Variants in IMPG2 observed in about 807,000 individuals in gnomAD.
IMPG2 encodes the protein IPM 200.
In IMPG2, 91 loss-of-function variants were observed where a neutral mutation model predicts 129.2. That is an observed-to-expected ratio of 0.70 (90% confidence interval 0.59 to 0.84). The LOEUF (loss-of-function observed/expected upper bound fraction) is 0.84, where lower values mean the gene tolerates loss of function less well. Among genes scored for constraint, IMPG2 ranks in the 40% least tolerant of loss-of-function variants. The pLI is 0.00. For missense variants in IMPG2, 1,430 were observed against 1,461.7 expected, an observed-to-expected ratio of 0.98 and a Z score of 0.35; for synonymous variants, 510 against 517.7, an observed-to-expected ratio of 0.99 and a Z score of 0.20.
chr3:101,224,099 C>G lies in IMPG2; in HGVS notation c.*2870G>C, dbSNP rs560890599. Reference sequence around the variant, plus strand: ...GGCAGAGGTTGCCAGGAGCTGAGATCGCCCCATTGCACTCCAGCCTGGGTG... The same window carrying G: ...GGCAGAGGTTGCCAGGAGCTGAGATGGCCCCATTGCACTCCAGCCTGGGTG... On this transcript the variant is annotated 3_prime_UTR_variant, in exon 19 of 19. Coordinates refer to ENST00000193391, the MANE Select transcript of IMPG2 (RefSeq NM_016247.4). 1.3e-5 allele frequency: 2 copies of G among 152,292 alleles called. No individual in the cohort carries two copies. Among genetic ancestry groups the G allele is most frequent in the South Asian group, 4.1e-4 (2 of 4,824 alleles). The allele number at this position is 152,292 out of a possible 1,614,324, so 9.4% of individuals were successfully genotyped here.
chr3:101,261,854 T>TA (rs1706674841), intron 9 of IMPG2, among the ~76,000 whole-genome samples: 1 of 152,070 alleles, frequency 6.6e-6, no homozygotes, highest in South Asian at 2.1e-4. Context: ...GATAAAATGG[T>TA]ATGTGATTGA....
intron 4 of IMPG2, among the ~76,000 whole-genome samples, chr3:101,280,794 C>T (rs377705426): frequency 2.0e-5 from 3 of 151,830 alleles, no homozygotes; most frequent in Non-Finnish European, 2.9e-5. Context: ...AAAAAACATA[C>T]AAAAATTAGC....
At chr3:101,229,317 C>CCCCCAG in intron 17 of IMPG2, 63 bp downstream of exon 17, 1 of 1,119,438 alleles carries the variant, frequency 8.9e-7, no homozygotes, top group Non-Finnish European at 1.3e-6. Context: ...CCCACCACCC[C>CCCCCAG]CTGCTCCCCC....
At position 101,226,269 on chromosome 3, in the gene IMPG2, A is replaced by ATATATATT; in HGVS notation, c.*699_*700insAATATATA. 1 of 120,668 alleles carries ATATATATT rather than the reference A, an allele frequency of 8.3e-6. No individual in the cohort carries two copies. The highest frequency in any genetic ancestry group is 3.5e-5 in the African/African-American group (1 of 28,778). 7.5% of individuals were successfully genotyped at this position (120,668 alleles called of 1,614,324 possible). On this transcript the variant is annotated 3_prime_UTR_variant, in exon 19 of 19. Transcript: ENST00000193391. ...TATATATATATATATATATATATATATATATATATATGCATTCATCCTGAA... is the reference window on the plus strand; with the variant it reads ...TATATATATATATATATATATATATATATATATTTATATATATATGCATTCATCCTGAA...
intron 12 of IMPG2, among the ~76,000 whole-genome samples, chr3:101,245,580 C>T (rs1041735912): frequency 6.6e-6 from 1 of 152,030 alleles, no homozygotes; most frequent in Non-Finnish European, 1.5e-5. Flanking sequence ...TTAATTGATC[C>T]CCACCCCAGC....
At position 101,246,135 on chromosome 3, in the gene IMPG2, A is replaced by G. The variant is rs755087435; in HGVS notation, c.1240-30T>C. The G allele has an allele frequency of 1.4e-5, 22 of 1,606,408 alleles. No homozygotes were observed. The Admixed American group carries it at 2.0e-4, about 15-fold the overall frequency. On this transcript the variant is annotated intron_variant, in intron 11 of 18. Transcript: ENST00000193391. ...GGGGAAAAAAAGGCTAAATCATATC[A>G]TAGATAAAAGAAACATATAAAAAGT...
Position 101,243,719 on chromosome 3 carries a change from C to G in IMPG2, c.2612G>C (p.Ser871Thr), listed in dbSNP as rs1473729662. 3.7e-6 allele frequency: 6 copies of G among 1,613,836 alleles called. No individual in the cohort carries two copies. Among genetic ancestry groups the G allele is most frequent in the Non-Finnish European group, 5.1e-6 (6 of 1,179,894 alleles). Residue 871 changes from serine to threonine, a missense_variant, in exon 13 of 19, where the codon AGT (serine) becomes ACT (threonine). Physicochemically the swap from Ser to Thr is moderately conservative, Grantham distance 58. Transcript: ENST00000193391. ...KVGSYVEMST[S>T]VHSTEMVSVA... Reference sequence around the variant, plus strand: ...ACTAACCATCTCTGTGGAGTGAACACTTGTTGACATTTCCACATAACTACC... The same window carrying G: ...ACTAACCATCTCTGTGGAGTGAACAGTTGTTGACATTTCCACATAACTACC...
At chr3:101,233,041 T>A (rs1032244469) in intron 14 of IMPG2, 50 bp from the exon 15 acceptor site, 1 of 1,543,908 alleles carries the variant, frequency 6.5e-7, no homozygotes, top group Non-Finnish European at 8.9e-7. Flanking sequence ...ACACAGAAAC[T>A]GGGGTATACA....
In IMPG2 at chr3:101,319,662, G is replaced by T; in HGVS notation, c.256C>A (p.Pro86Thr). The T allele has an allele frequency of 6.2e-7, 1 of 1,613,638 alleles. No individual in the cohort carries two copies. Among genetic ancestry groups the T allele is most frequent in the Non-Finnish European group, 8.5e-7 (1 of 1,179,754 alleles). Residue 86 changes from proline (P) to threonine (T), a missense_variant, in exon 2 of 19, where the codon CCT (proline) becomes ACT (threonine). Transcript: ENST00000193391. ...LIRRRRSILF[P>T]NGVKICPDES... ...TCTGGGCAGATTTTCACTCCATTAG[G>T]AAACAGAATAGATCTCCGCCTTCTG...
At chr3:101,253,633 A>C (rs1366543813) in intron 11 of IMPG2, 63 bp downstream of exon 11, 1 of 1,049,358 alleles carries the variant, frequency 9.5e-7, no homozygotes, top group Non-Finnish European at 1.5e-6. Flanking sequence ...CAAAGTAAGC[A>C]GGTGCAGGAA....
rs766281382 is a variant in IMPG2, at chr3:101,244,036, C to T, written c.2295G>A (p.Met765Ile). ...NYEWFDSEVS[M>I]VKPDMQTLWT... ...ACAAAGTTTGCATATCTGGCTTTAC[C>T]ATTGAAACCTCACTGTCAAACCATT... Residue 765 changes from methionine to isoleucine, a missense_variant, in exon 13 of 19, where the codon ATG becomes ATA. Transcript: ENST00000193391. 6.2e-7 allele frequency: 1 copy of T among 1,614,094 alleles called. No individual in the cohort carries two copies. The highest frequency in any genetic ancestry group is 1.1e-5 in the South Asian group (1 of 91,082).
chr3:101,310,878 T>C (rs1239102883), intron 2 of IMPG2, among the ~76,000 whole-genome samples: 1 of 152,192 alleles, frequency 6.6e-6, no homozygotes, highest in South Asian at 2.1e-4. Context: ...AATTATGCTT[T>C]GGGCAATGTT....
At chr3:101,299,295 C>G (rs887116720) in intron 3 of IMPG2, among the ~76,000 whole-genome samples, 1 of 152,134 alleles carries the variant, frequency 6.6e-6, no homozygotes, top group African/African-American at 2.4e-5. Flanking sequence ...CTCCTGTAAC[C>G]TTTTATCAAG....
intron 2 of IMPG2, among the ~76,000 whole-genome samples, chr3:101,314,714 T>C (rs1011253071): frequency 1.3e-5 from 2 of 152,082 alleles, no homozygotes; most frequent in African/African-American, 2.4e-5. Context: ...TCAGTATAAA[T>C]AAGATTTCAT....
In IMPG2 at chr3:101,222,696, G is replaced by T. The variant is rs905701446; in HGVS notation, c.*4273C>A. 5.9e-5 allele frequency: 9 copies of T among 152,080 alleles called. No homozygotes were observed. The highest frequency in any genetic ancestry group is 1.0e-4 in the Non-Finnish European group (7 of 68,028). The allele number at this position is 152,080 out of a possible 1,614,324, so 9.4% of individuals were successfully genotyped here. A position where few individuals can be genotyped will look rare whatever the true frequency, so the allele number is the denominator to read the frequency against. On this transcript the variant is annotated 3_prime_UTR_variant, in exon 19 of 19. Coordinates refer to ENST00000193391, the MANE Select transcript of IMPG2 (RefSeq NM_016247.4). ...TTCAATAAAATAGTACAGTTAACAT[G>T]AATTTATTTGATTCAAACCCTGGAT...
chr3:101,233,347 T>G (rs1046468244), intron 14 of IMPG2, among the ~76,000 whole-genome samples: 1 of 152,046 alleles, frequency 6.6e-6, no homozygotes, highest in South Asian at 2.1e-4. Flanking sequence ...GCAGTTTTCA[T>G]GGACCATTCA....
Position 101,232,856 on chromosome 3 carries a change from A to G in IMPG2, c.3158T>C (p.Leu1053Pro), listed in dbSNP as rs1706304737. The G allele has an allele frequency of 6.2e-7, 1 of 1,613,784 alleles. No individual in the cohort carries two copies. The highest frequency in any genetic ancestry group is 2.2e-5 in the East Asian group (1 of 44,812). The change falls in exon 15 of 19, where the codon CTC (leucine) becomes CCC (proline). Residue 1053 changes from leucine to proline, a missense_variant. By Grantham distance (98) the Leu-to-Pro change is moderately conservative. Coordinates refer to ENST00000193391, the MANE Select transcript of IMPG2 (RefSeq NM_016247.4). ...LSVEERPCQS[L>P]CDLQPDFCLN... ...GCAGAAGTCAGGCTGTAGGTCACAG[A>G]GACTCTGACAGGGCCGTTCTTCCAC...
chr3:101,282,625 C>A (rs536578921), intron 4 of IMPG2, among the ~76,000 whole-genome samples: 1 of 152,224 alleles, frequency 6.6e-6, no homozygotes, highest in South Asian at 2.1e-4. Flanking sequence ...TATTAAGAAA[C>A]AGTTGAGCAT....
At chr3:101,287,771 C>A (rs1216241596) in intron 4 of IMPG2, among the ~76,000 whole-genome samples, 1 of 152,040 alleles carries the variant, frequency 6.6e-6, no homozygotes, top group Non-Finnish European at 1.5e-5. Context: ...AATGTAAGAC[C>A]TCAAACTATA....
Sources: gnomAD v4.1 joint callset for allele counts (sites outside exome capture counted in the v4.1 genomes callset) on GRCh38, gnomAD v4.1.1 for gene constraint, MANE v1.5 for transcripts, NCBI Gene and HGNC (gene_info 2026-07-23, HGNC 2026-07-21) for gene names.